DHCR7: variants seen among roughly 807,000 people sequenced by gnomAD.
The protein encoded by DHCR7 is 7-dehydrocholesterol reductase.
A neutral mutation model predicts 43.3 loss-of-function variants in DHCR7; 40 were observed. The ratio of observed to expected loss-of-function variants is 0.92; its 90% CI spans 0.72 to 1.20. The LOEUF is 1.20. Among genes scored for constraint, DHCR7 ranks in the 50% most tolerant of loss-of-function variants. DHCR7 has a pLI of 0.00. For synonymous variants in DHCR7, 298 were observed against 271.4 expected, an observed-to-expected ratio of 1.10 and a Z score of -0.96; for missense variants, 608 against 644.6, an observed-to-expected ratio of 0.94 and a Z score of 0.62.
At position 71,444,831 on chromosome 11, in the gene DHCR7, T is replaced by A. The variant is rs544938938; in HGVS notation, c.98+24A>T. 7.5e-6 allele frequency: 12 copies of A among 1,603,552 alleles called. No homozygotes were observed. In the East Asian group the frequency reaches 2.5e-4, roughly 33 times the overall value. On this transcript the variant is annotated intron_variant, in intron 3 of 8. Transcript: ENST00000355527. ...CTGAGACCACACTTTACTTTCTAGC[T>A]GGGAGAACAGGCAAGATCCTTACCA...
downstream of DHCR7, among the ~76,000 whole-genome samples, chr11:71,434,224 T>C (rs376131991): frequency 3.3e-4 from 51 of 152,256 alleles, no homozygotes; most frequent in East Asian, 6.0e-3. Flanking sequence ...AGGGCTGACA[T>C]GGGAGGGAGA....
chr11:71,430,781 C>T (rs571577988), downstream of DHCR7, among the ~76,000 whole-genome samples: 183 of 152,332 alleles, frequency 1.2e-3, no homozygotes, highest in African/African-American at 3.8e-3. Flanking sequence ...AGGCCGTCTC[C>T]CCTCTACTGA....
intron 5 of DHCR7, among the ~76,000 whole-genome samples, chr11:71,441,826 A>G (rs577316188): frequency 5.9e-5 from 9 of 152,200 alleles, no homozygotes; most frequent in African/African-American, 2.2e-4. Context: ...CAAAACAGGG[A>G]GCTTCTGGGG....
At chr11:71,441,523 G>T in intron 5 of DHCR7, 83 bp from the exon 6 acceptor site, 2 of 1,227,550 alleles carry the variant, frequency 1.6e-6, no homozygotes, top group Non-Finnish European at 2.3e-6. Context: ...GCCTGGCGGG[G>T]GCCCTGGTCA....
intron 8 of DHCR7, 73 bp downstream of exon 8, chr11:71,437,739 C>T (rs570575642): frequency 1.3e-4 from 216 of 1,603,000 alleles, no homozygotes; most frequent in African/African-American, 1.3e-3. Context: ...CAAGGACAGA[C>T]GCTTCTGCAA....
downstream of DHCR7, among the ~76,000 whole-genome samples, chr11:71,427,926 C>A (rs1949208270): frequency 6.6e-6 from 1 of 152,118 alleles, no homozygotes; most frequent in African/African-American, 2.4e-5. Flanking sequence ...AGAAGGAAAG[C>A]AAGTGAACCA....
intron 8 of DHCR7, among the ~76,000 whole-genome samples, chr11:71,436,480 T>C (rs1949282017): frequency 6.6e-6 from 1 of 152,184 alleles, no homozygotes; most frequent in African/African-American, 2.4e-5. Flanking sequence ...CTGACTAACA[T>C]GGTGAAACCC....
chr11:71,438,780 C>A, intron 7 of DHCR7, 99 bp downstream of exon 7: 2 of 1,294,600 alleles, frequency 1.5e-6, no homozygotes, highest in South Asian at 1.2e-5. Context: ...CTCTCTTTTA[C>A]AAGCAGTAGA....
downstream of DHCR7, among the ~76,000 whole-genome samples, chr11:71,434,130 G>C (rs562312967): frequency 6.6e-6 from 1 of 152,302 alleles, no homozygotes; most frequent in African/African-American, 2.4e-5. Flanking sequence ...TTCACTTGCC[G>C]GGGGCAGGTG....
chr11:71,430,108 C>A (rs1313813690), downstream of DHCR7, among the ~76,000 whole-genome samples: 1 of 152,212 alleles, frequency 6.6e-6, no homozygotes, highest in Non-Finnish European at 1.5e-5. Context: ...ATAATCTGCC[C>A]ATCCTGATGA....
chr11:71,429,015 C>G (rs1949214789), intron 2 of DHCR7, among the ~76,000 whole-genome samples: 2 of 152,234 alleles, frequency 1.3e-5, no homozygotes, highest in Admixed American at 6.5e-5. Flanking sequence ...AGTGAGCCAA[C>G]AACAAGGAAA....
rs1949359178 is a variant in DHCR7 at position 71,442,408 on chromosome 11, G to A, written c.322-55C>T. The A allele has an allele frequency of 4.0e-6, 5 of 1,252,458 alleles. No homozygotes were observed. The East Asian group carries it at 9.3e-5, about 23-fold the overall frequency. The allele number at this position is 1,252,458 out of a possible 1,614,324, so 77.6% of individuals were successfully genotyped here. On this transcript the variant is annotated intron_variant, in intron 4 of 8. Transcript: ENST00000355527. ...CCGCCTGGAGGGCACCTGCAAAGGG[G>A]GACGCATAGCAGGAACATGAGAATC... is the stretch of plus-strand genomic sequence containing the variant.
intron 8 of DHCR7, among the ~76,000 whole-genome samples, chr11:71,437,201 C>T (rs146340841): frequency 3.3e-5 from 5 of 152,364 alleles, no homozygotes; most frequent in African/African-American, 1.2e-4. Flanking sequence ...GTGACAGCCT[C>T]TCCACGTTGG....
chr11:71,435,834 C>T lies in DHCR7; in HGVS notation c.969G>A (p.Leu323=). The part of the protein sequence containing the change: ...WLPYLYTLQG[L]YLVYHPVQLS... ...GCTGCACGGGGTGGTACACCAAGTA[C>T]AGACCCTGGGGGGCGAGGGGGAAGG... The change falls in exon 9 of 9, where the codon CTG becomes CTA. Residue 323 remains leucine (L), a synonymous_variant. Coordinates refer to ENST00000355527, the MANE Select transcript of DHCR7 (RefSeq NM_001360.3). 1.9e-6 allele frequency: 3 copies of T among 1,602,146 alleles called. No individual in the cohort carries two copies. Among genetic ancestry groups the T allele is most frequent in the African/African-American group, 1.3e-5 (1 of 74,924 alleles).
At chr11:71,437,729 C>G in intron 8 of DHCR7, 83 bp downstream of exon 8, 1 of 1,593,638 alleles carries the variant, frequency 6.3e-7, no homozygotes, top group South Asian at 1.1e-5. Context: ...TTGGTGCCCC[C>G]AAGGACAGAC....
In DHCR7 at chr11:71,434,887, C is replaced by A; in HGVS notation, c.*488G>T. Reference sequence around the variant, plus strand: ...ACCAAGGAGAAACGGCGCACGGGCCCCACCCACGACTGCAGAGCAGGCAGG... The same window carrying A: ...ACCAAGGAGAAACGGCGCACGGGCCACACCCACGACTGCAGAGCAGGCAGG... On this transcript the variant is annotated 3_prime_UTR_variant, in exon 9 of 9. Coordinates refer to ENST00000355527, the MANE Select transcript of DHCR7 (RefSeq NM_001360.3). 1 of 353,956 alleles carries A rather than the reference C, an allele frequency of 2.8e-6. No homozygotes were observed. Among genetic ancestry groups the A allele is most frequent in the South Asian group, 2.1e-5 (1 of 47,512 alleles). 21.9% of individuals were successfully genotyped at this position (353,956 alleles called of 1,614,324 possible). A position where few individuals can be genotyped will look rare whatever the true frequency, so the allele number is the denominator to read the frequency against.
At chr11:71,436,974 C>A (rs1949288901) in intron 8 of DHCR7, among the ~76,000 whole-genome samples, 1 of 152,220 alleles carries the variant, frequency 6.6e-6, no homozygotes, top group African/African-American at 2.4e-5. Flanking sequence ...AGGGAACCAG[C>A]AGACCTGCAG....
rs766274375 is a variant in DHCR7 at position 71,441,208 on chromosome 11, C to A, written c.626+19G>T. 2 of 1,612,950 alleles carry A rather than the reference C, an allele frequency of 1.2e-6. No individual in the cohort carries two copies. Among genetic ancestry groups the A allele is most frequent in the Non-Finnish European group, 8.5e-7 (1 of 1,179,048 alleles). On this transcript the variant is annotated intron_variant, in intron 6 of 8. Transcript: ENST00000355527. ...TTTGCACTTTCTACATCAGGCTGGACCCGCTGCTAAGAACATACCAGTCTC... is the reference window on the plus strand; with the variant it reads ...TTTGCACTTTCTACATCAGGCTGGAACCGCTGCTAAGAACATACCAGTCTC...
chr11:71,444,130 C>G lies in DHCR7; in HGVS notation c.184G>C (p.Asp62His). 1 of 1,611,214 alleles carries G rather than the reference C, an allele frequency of 6.2e-7. No homozygotes were observed. Among genetic ancestry groups the G allele is most frequent in the South Asian group, 1.1e-5 (1 of 90,570 alleles). Residue 62 changes from aspartate (D) to histidine (H), a missense_variant, in exon 4 of 9, where the codon GAC (aspartate) becomes CAC (histidine). Physicochemically the swap from Asp to His is moderately conservative, Grantham distance 81. Transcript: ENST00000355527. ...FIVYYFIMAC[D>H]QYSCALTGPV... The stretch of plus-strand genomic sequence containing the variant: ...CCAGTCAGGGCGCAGCTGTACTGGT[C>G]ACAAGCCATGATGAAGTAGTAGACG...
Sources: allele counts gnomAD v4.1 joint callset (sites outside exome capture counted in the v4.1 genomes callset), GRCh38; gene constraint gnomAD v4.1.1; transcripts MANE v1.5; gene names NCBI Gene and HGNC (gene_info 2026-07-23, HGNC 2026-07-21).